DIAPH2: variants seen among roughly 807,000 people sequenced by gnomAD.
The protein encoded by DIAPH2 is diaphanous related formin 2.
A neutral mutation model predicts 92.7 loss-of-function variants in DIAPH2; 35 were observed. The ratio of observed to expected loss-of-function variants is 0.38; its 90% CI spans 0.29 to 0.50. DIAPH2 has a LOEUF of 0.50. Ranked by LOEUF, DIAPH2 falls within the 20% of genes least tolerant of loss-of-function variation. The pLI is 0.94. For synonymous variants in DIAPH2, 301 were observed against 280.4 expected, an observed-to-expected ratio of 1.07 and a Z score of -0.73; for missense variants, 701 against 819.5, an observed-to-expected ratio of 0.86 and a Z score of 1.77.
chrX:96,971,790 T>C (rs1055127977), intron 17 of DIAPH2, among the ~76,000 whole-genome samples: 1 of 111,849 alleles, frequency 8.9e-6, no homozygotes, highest in Non-Finnish European at 1.9e-5. Flanking sequence ...TACTAAAATT[T>C]ACTTCTGAAA....
chrX:97,266,046 T>C (rs990642952), intron 23 of DIAPH2, among the ~76,000 whole-genome samples: 2 of 112,263 alleles, frequency 1.8e-5, no homozygotes, highest in African/African-American at 3.2e-5. Context: ...TTTTCTAGTA[T>C]GACAGTACAG....
chrX:97,586,981 C>T (rs768756596), intron 26 of DIAPH2, among the ~76,000 whole-genome samples: 1 of 112,277 alleles, frequency 8.9e-6, no homozygotes. Context: ...AGCCTTAATA[C>T]ATTTCCATTA....
intron 5 of DIAPH2, chrX:96,884,695 G>T (rs756383923): frequency 3.3e-6 from 4 of 1,210,769 alleles, no homozygotes; most frequent in Non-Finnish European, 4.5e-6. Context: ...CAAAGTGTTT[G>T]GTATCCTCAA....
At chrX:96,704,025 C>G (rs138354358) in intron 1 of DIAPH2, among the ~76,000 whole-genome samples, 1 of 111,257 alleles carries the variant, frequency 9.0e-6, no homozygotes, top group South Asian at 3.9e-4. Context: ...GACTGTTGGG[C>G]TCAAGGGATC....
chrX:97,515,990 A>G (rs1431303638), intron 26 of DIAPH2, among the ~76,000 whole-genome samples: 1 of 111,180 alleles, frequency 9.0e-6, no homozygotes, highest in African/African-American at 3.3e-5. Context: ...ACCGTGGCTC[A>G]TGCCTGTAAT....
intron 23 of DIAPH2, among the ~76,000 whole-genome samples, chrX:97,339,459 G>A (rs183675609): frequency 2.4e-4 from 27 of 110,780 alleles, no homozygotes; most frequent in African/African-American, 8.2e-4. Context: ...AGGTTGCAGC[G>A]AGCCGAGATC....
chrX:96,972,690 A>G (rs2065935106), intron 17 of DIAPH2, among the ~76,000 whole-genome samples: 1 of 111,152 alleles, frequency 9.0e-6, no homozygotes, highest in African/African-American at 3.3e-5. Context: ...CAAATAATTA[A>G]TTTTGAGTAG....
At chrX:96,970,685 A>T (rs1296778372) in intron 17 of DIAPH2, among the ~76,000 whole-genome samples, 1 of 111,042 alleles carries the variant, frequency 9.0e-6, no homozygotes, top group African/African-American at 3.3e-5. Context: ...GCATTCAAAG[A>T]ATCAACTTTT....
At chrX:97,445,065 G>T (rs901015102) in intron 26 of DIAPH2, among the ~76,000 whole-genome samples, 6 of 111,603 alleles carry the variant, frequency 5.4e-5, no homozygotes, top group Non-Finnish European at 9.4e-5. Context: ...TTTAAATGTT[G>T]AATTTCCATA....
chrX:97,551,458 C>T (rs1361867878), intron 26 of DIAPH2, among the ~76,000 whole-genome samples: 2 of 108,926 alleles, frequency 1.8e-5, no homozygotes, highest in African/African-American at 3.3e-5. Context: ...GGCGTGGTGG[C>T]GCACACCTGT....
At chrX:97,397,035 C>G (rs1015118480) in intron 25 of DIAPH2, among the ~76,000 whole-genome samples, 28 of 111,709 alleles carry the variant, frequency 2.5e-4, no homozygotes, top group African/African-American at 8.5e-4. Flanking sequence ...CTCTGTTACA[C>G]CCCTCACACA....
intron 25 of DIAPH2, among the ~76,000 whole-genome samples, chrX:97,410,354 A>C (rs923140665): frequency 2.7e-5 from 3 of 112,037 alleles, no homozygotes; most frequent in African/African-American, 9.7e-5. Flanking sequence ...AACAGAAAGG[A>C]ATAGCATCAA....
At chrX:97,069,866 A>G (rs2066657818) in intron 17 of DIAPH2, among the ~76,000 whole-genome samples, 1 of 111,915 alleles carries the variant, frequency 8.9e-6, no homozygotes, top group South Asian at 3.7e-4. Context: ...ATTCCTGAAC[A>G]TTGCCTATAT....
At chrX:97,164,119 C>T (rs1194644417) in intron 22 of DIAPH2, among the ~76,000 whole-genome samples, 16 of 111,944 alleles carry the variant, frequency 1.4e-4, no homozygotes, top group Non-Finnish European at 1.9e-4. Flanking sequence ...CTACTTTAAC[C>T]CATTTTTAAG....
chrX:97,185,357 G>GTATATATGTATATATATATGTGTGTA (rs2067577709), intron 22 of DIAPH2, among the ~76,000 whole-genome samples: 1 of 19,629 alleles, frequency 5.1e-5, no homozygotes, highest in Non-Finnish European at 7.6e-5. Flanking sequence ...ATATATGTGT[G>GTATATATGTATATATATATGTGTGTA]TATATATATA....
intron 4 of DIAPH2, among the ~76,000 whole-genome samples, chrX:96,776,080 A>C (rs766612599): frequency 1.8e-5 from 2 of 111,906 alleles, no homozygotes; most frequent in Non-Finnish European, 3.8e-5. Flanking sequence ...GCTACAGACT[A>C]CATGTAAAGT....
intron 26 of DIAPH2, among the ~76,000 whole-genome samples, chrX:97,517,107 G>GT (rs752098276): frequency 9.0e-6 from 1 of 111,641 alleles, no homozygotes; most frequent in African/African-American, 3.3e-5. Context: ...GACCTCACAG[G>GT]TTTTTTTCGA....
intron 4 of DIAPH2, among the ~76,000 whole-genome samples, chrX:96,862,735 T>C (rs766260334): frequency 8.9e-6 from 1 of 112,205 alleles, no homozygotes; most frequent in Non-Finnish European, 1.9e-5. Context: ...ACAGTGACCA[T>C]TAAAACAATG....
chrX:97,050,079 A>T lies in DIAPH2; in HGVS notation c.2051-22862A>T, dbSNP rs780777664. Reference sequence around the variant, plus strand: ...CAGATTTATAACATGGTGACATTTGATGTTTTTCTTTTGTTTATTATCAGT... The same window carrying T: ...CAGATTTATAACATGGTGACATTTGTTGTTTTTCTTTTGTTTATTATCAGT... On this transcript the variant is annotated intron_variant, in intron 17 of 26. Coordinates refer to ENST00000324765, the MANE Select transcript of DIAPH2 (RefSeq NM_006729.5). Among the ~76,000 whole-genome samples the T allele has an allele frequency of 2.7e-5, 3 of 111,220 alleles. No individual in the cohort carries two copies. The South Asian group carries it at 1.1e-3, about 42-fold the overall frequency.
Sources: gnomAD v4.1 joint callset for allele counts (sites outside exome capture counted in the v4.1 genomes callset) on GRCh38, gnomAD v4.1.1 for gene constraint, MANE v1.5 for transcripts, NCBI Gene and HGNC (gene_info 2026-07-23, HGNC 2026-07-21) for gene names.